PNPLA8: variants seen among roughly 807,000 people sequenced by gnomAD.
PNPLA8 encodes the protein patatin like domain 8, phospholipase A2.
PNPLA8 carries 39 observed loss-of-function variants against 76.9 expected under a neutral mutation model. That is an observed-to-expected ratio of 0.51 (90% CI 0.39 to 0.66). The LOEUF (loss-of-function observed/expected upper bound fraction) is 0.66, where lower values mean the gene tolerates loss of function less well. PNPLA8 is among the 30% of genes least tolerant of loss of function. PNPLA8 has a pLI of 0.00. For synonymous variants in PNPLA8, 301 were observed against 307.9 expected, an observed-to-expected ratio of 0.98 and a Z score of 0.24; for missense variants, 887 against 918.0, an observed-to-expected ratio of 0.97 and a Z score of 0.44.
In PNPLA8 at chr7:108,479,166, G is replaced by T; in HGVS notation, c.2074+18C>A. 6.4e-7 allele frequency: 1 copy of T among 1,569,328 alleles called. No individual in the cohort carries two copies. The highest frequency in any genetic ancestry group is 8.7e-7 in the Non-Finnish European group (1 of 1,143,872). On this transcript the variant is annotated intron_variant, in intron 10 of 10. Transcript: ENST00000257694. ...ATGCTAGAAGTTGAAGTATTTTAAAGCAGCAAACAAGACTAACCTTCTGTA... is the reference window on the plus strand; with the variant it reads ...ATGCTAGAAGTTGAAGTATTTTAAATCAGCAAACAAGACTAACCTTCTGTA...
chr7:108,502,964 T>C (rs966581703), intron 4 of PNPLA8, among the ~76,000 whole-genome samples: 3 of 152,220 alleles, frequency 2.0e-5, no homozygotes, highest in African/African-American at 4.8e-5. Context: ...AAATTTTGTA[T>C]AATATTTAGT....
chr7:108,526,575 C>T (rs1336294819), upstream of PNPLA8, among the ~76,000 whole-genome samples: 1 of 152,230 alleles, frequency 6.6e-6, no homozygotes, highest in Non-Finnish European at 1.5e-5. Context: ...GCGCTGAGTT[C>T]CTTGGAGCTG....
chr7:108,472,155 T>C lies in PNPLA8; in HGVS notation c.*246A>G, dbSNP rs149846178. 9 of 333,048 alleles carry C rather than the reference T, an allele frequency of 2.7e-5. No homozygotes were observed. The highest frequency in any genetic ancestry group is 9.0e-4 in the Middle Eastern group (1 of 1,110). 20.6% of individuals were successfully genotyped at this position (333,048 alleles called of 1,614,324 possible). A position where few individuals can be genotyped will look rare whatever the true frequency, so the allele number is the denominator to read the frequency against. ...AACACCAATATCTACTAAAATCTAC[T>C]AGCACAGTAAGGGTTACTAAAGCTT... On this transcript the variant is annotated 3_prime_UTR_variant, in exon 11 of 11. Coordinates refer to ENST00000257694, the MANE Select transcript of PNPLA8 (RefSeq NM_001256007.3).
chr7:108,492,877 C>T (rs1021726767), intron 7 of PNPLA8, among the ~76,000 whole-genome samples: 1 of 152,160 alleles, frequency 6.6e-6, no homozygotes, highest in African/African-American at 2.4e-5. Context: ...GCATGGCTTT[C>T]GTCCATGTGA....
intron 9 of PNPLA8, among the ~76,000 whole-genome samples, chr7:108,480,089 G>A (rs1860289163): frequency 6.6e-6 from 1 of 152,138 alleles, no homozygotes; most frequent in Non-Finnish European, 1.5e-5. Context: ...AAAATACACT[G>A]AGCATGGTGG....
At chr7:108,521,184 T>C (rs925365646) in intron 2 of PNPLA8, among the ~76,000 whole-genome samples, 6 of 151,800 alleles carry the variant, frequency 4.0e-5, no homozygotes, top group Admixed American at 6.6e-5. Context: ...AGAAAAAAAT[T>C]AAGTAGGTCT....
At chr7:108,502,720 T>C in intron 4 of PNPLA8, 78 bp from the exon 5 acceptor site, 1 of 992,138 alleles carries the variant, frequency 1.0e-6, no homozygotes, top group Non-Finnish European at 1.5e-6. Context: ...AACCAATACA[T>C]GCAGTTCACC....
rs1003388634 is a variant in PNPLA8, at chr7:108,481,237, C to T, written c.1879-1858G>A. 5.3e-5 allele frequency among the ~76,000 whole-genome samples: 8 copies of T among 152,276 alleles called. No homozygotes were observed. In the South Asian group the frequency reaches 6.2e-4, roughly 12 times the overall value. ...TCTCTGGAGTAAATACGAGTGCGAT[C>T]GTTGGAGCATATGGTAAGTATACGT... On this transcript the variant is annotated intron_variant, in intron 9 of 10. Transcript: ENST00000257694.
intron 4 of PNPLA8, among the ~76,000 whole-genome samples, chr7:108,513,193 T>C (rs1426592326): frequency 6.6e-6 from 1 of 152,204 alleles, no homozygotes; most frequent in Admixed American, 6.5e-5. Context: ...ATTTAAGATC[T>C]TTGCTTTCAG....
intron 4 of PNPLA8, chr7:108,510,185 A>AG (rs962635750): frequency 2.3e-6 from 2 of 875,408 alleles, no homozygotes; most frequent in African/African-American, 3.4e-5. Flanking sequence ...AATAAAAAAA[A>AG]AAAAAAAGAA....
At chr7:108,499,539 AC>A (rs1405685722) in intron 5 of PNPLA8, among the ~76,000 whole-genome samples, 1 of 152,194 alleles carries the variant, frequency 6.6e-6, no homozygotes, top group East Asian at 1.9e-4. Context: ...CAACAGCAGA[AC>A]CGCTGACATT....
chr7:108,520,712 C>T (rs1446533677), intron 2 of PNPLA8, among the ~76,000 whole-genome samples: 1 of 151,608 alleles, frequency 6.6e-6, no homozygotes, highest in Non-Finnish European at 1.5e-5. Context: ...TAAATATATA[C>T]AAATATTATA....
chr7:108,515,073 G>A lies in PNPLA8; in HGVS notation c.419C>T (p.Ser140Leu), dbSNP rs768181060. 19 of 1,603,752 alleles carry A rather than the reference G, an allele frequency of 1.2e-5. No homozygotes were observed. Among genetic ancestry groups the A allele is most frequent in the East Asian group, 2.2e-5 (1 of 44,820 alleles). ...KPSSQILRKV[S>L]DSGWLKQKNI... is the part of the protein sequence containing the mutation. ...TTTCTGTTTTAACCAGCCACTATCCGATACTTTTCTTAAAATTTGGGAACT... is the reference window on the plus strand; with the variant it reads ...TTTCTGTTTTAACCAGCCACTATCCAATACTTTTCTTAAAATTTGGGAACT... Residue 140 changes from serine to leucine, a missense_variant, in exon 3 of 11, where the codon TCG becomes TTG. Transcript: ENST00000257694.
chr7:108,471,710 A>G lies in PNPLA8; in HGVS notation c.*691T>C, dbSNP rs1859643845. 1.3e-5 allele frequency: 2 copies of G among 152,232 alleles called. No homozygotes were observed. Among genetic ancestry groups the G allele is most frequent in the African/African-American group, 2.4e-5 (1 of 41,456 alleles). The allele number at this position is 152,232 out of a possible 1,614,324, so 9.4% of individuals were successfully genotyped here. A position where few individuals can be genotyped will look rare whatever the true frequency, so the allele number is the denominator to read the frequency against. On this transcript the variant is annotated 3_prime_UTR_variant, in exon 11 of 11. Coordinates refer to ENST00000257694, the MANE Select transcript of PNPLA8 (RefSeq NM_001256007.3). Reference sequence around the variant, plus strand: ...ATTTTATAACAGGGAAGAATAAGCTAGTGTTAGATCTGGAAAAGTTAATAT... The same window carrying G: ...ATTTTATAACAGGGAAGAATAAGCTGGTGTTAGATCTGGAAAAGTTAATAT...
intron 4 of PNPLA8, 138 bp from the exon 5 acceptor site, chr7:108,502,780 A>T (rs1350170090): frequency 7.8e-6 from 4 of 511,058 alleles, no homozygotes; most frequent in Non-Finnish European, 1.3e-5. Flanking sequence ...TAATCTTATA[A>T]GACAGATTAG....
chr7:108,493,568 C>CTTTTTTTTTTTTTT (rs34935118), intron 7 of PNPLA8, among the ~76,000 whole-genome samples: 76 of 81,222 alleles, frequency 9.4e-4, no homozygotes, highest in East Asian at 2.3e-3. Context: ...CCATGCCTGG[C>CTTTTTTTTTTTTTT]TTTTTTTTTT....
At chr7:108,525,984 A>G (rs40896) in intron 1 of PNPLA8, 45 bp downstream of exon 1, 365,379 of 887,708 alleles carry the variant, frequency 0.41, 76,586 homozygotes, top group Non-Finnish European at 0.42. Flanking sequence ...AGAACGATCA[A>G]CCAGCCTCCT....
chr7:108,486,794 G>A (rs1860769671), intron 9 of PNPLA8, among the ~76,000 whole-genome samples: 1 of 152,032 alleles, frequency 6.6e-6, no homozygotes, highest in Non-Finnish European at 1.5e-5. Flanking sequence ...CTATGTATGA[G>A]TTTTTGAATG....
At chr7:108,501,159 A>C (rs1304462307) in intron 5 of PNPLA8, among the ~76,000 whole-genome samples, 1 of 152,216 alleles carries the variant, frequency 6.6e-6, no homozygotes, top group Non-Finnish European at 1.5e-5. Flanking sequence ...AGCTAAACCT[A>C]AGAACAATAG....
Sources: allele counts gnomAD v4.1 joint callset (sites outside exome capture counted in the v4.1 genomes callset), GRCh38; gene constraint gnomAD v4.1.1; transcripts MANE v1.5; gene names NCBI Gene and HGNC (gene_info 2026-07-23, HGNC 2026-07-21).